COL23A1: variants seen among roughly 807,000 people sequenced by gnomAD.
COL23A1 encodes collagen type XXIII alpha 1 chain.
In COL23A1, 97 loss-of-function variants were observed where a neutral mutation model predicts 99.3. That is an observed-to-expected ratio of 0.98 (90% CI 0.83 to 1.16). COL23A1 has a LOEUF of 1.16. COL23A1 is among the 50% of genes most tolerant of loss of function. COL23A1 has a pLI of 0.00. For synonymous variants in COL23A1, 320 were observed against 308.2 expected, an observed-to-expected ratio of 1.04 and a Z score of -0.40; for missense variants, 762 against 757.4, an observed-to-expected ratio of 1.01 and a Z score of -0.07.
intron 5 of COL23A1, among the ~76,000 whole-genome samples, chr5:178,275,250 G>A (rs889325431): frequency 2.0e-5 from 3 of 152,328 alleles, no homozygotes; most frequent in South Asian, 2.1e-4. Context: ...TGCAAGATGC[G>A]AAGCCCCACG....
intron 2 of COL23A1, among the ~76,000 whole-genome samples, chr5:178,545,287 G>A (rs1761520902): frequency 6.6e-6 from 1 of 152,050 alleles, no homozygotes; most frequent in Non-Finnish European, 1.5e-5. Context: ...ACGGCACTTT[G>A]AGCCTCTCCC....
chr5:178,425,744 G>A (rs1035828501), intron 2 of COL23A1, among the ~76,000 whole-genome samples: 3 of 152,222 alleles, frequency 2.0e-5, no homozygotes, highest in Admixed American at 6.5e-5. Flanking sequence ...TGGCTGCAGT[G>A]CACCAGCATC....
chr5:178,270,460 A>T, intron 5 of COL23A1, 97 bp from the exon 6 acceptor site: 1 of 1,462,072 alleles, frequency 6.8e-7, no homozygotes, highest in Non-Finnish European at 9.5e-7. Context: ...CAAGAAAACA[A>T]AGCCTGTGGG....
At chr5:178,250,231 T>C in intron 17 of COL23A1, 126 bp from the exon 18 acceptor site, 1 of 986,788 alleles carries the variant, frequency 1.0e-6, no homozygotes, top group Non-Finnish European at 1.6e-6. Flanking sequence ...CCTCTAGCTG[T>C]GCCAGGACCC....
chr5:178,536,522 C>T (rs1323935962), intron 2 of COL23A1, among the ~76,000 whole-genome samples: 4 of 152,230 alleles, frequency 2.6e-5, no homozygotes, highest in Non-Finnish European at 5.9e-5. Context: ...CCGGATGCAT[C>T]ATCCAGACCA....
chr5:178,448,691 G>T (rs1358852915), intron 2 of COL23A1, among the ~76,000 whole-genome samples: 1 of 152,102 alleles, frequency 6.6e-6, no homozygotes, highest in African/African-American at 2.4e-5. Flanking sequence ...CCATTCATGA[G>T]GGCAGTGCCC....
At position 178,313,397 on chromosome 5, in the gene COL23A1, C is replaced by T. The variant is rs181979329; in HGVS notation, c.362-6478G>A. The stretch of plus-strand genomic sequence containing the variant: ...CAATTAAAGAAAACAAAACAAACAC[C>T]CCAGGGGTCTCAGCTACCCCTGAGC... On this transcript the variant is annotated intron_variant, in intron 2 of 28. Transcript: ENST00000390654. The surrounding 1 kb of genome is among the most constrained non-coding windows in gnomAD (Gnocchi z 4.2). Among the ~76,000 whole-genome samples the T allele has an allele frequency of 6.6e-6, 1 of 152,256 alleles. No individual in the cohort carries two copies. The highest frequency in any genetic ancestry group is 1.9e-4 in the East Asian group (1 of 5,178).
At position 178,255,871 on chromosome 5, in the gene COL23A1, C is replaced by A; in HGVS notation, c.882+482G>T. ...GAGCATGAGGAGACAGAGCCGAGGC[C>A]AGGATCCCGGACGTCACCCTAAAGG... On this transcript the variant is annotated intron_variant, in intron 15 of 28. Transcript: ENST00000390654. This position sits in a 1 kb window ranked among gnomAD's most constrained non-coding sequence, Gnocchi z 4.2. 2.5e-6 allele frequency: 1 copy of A among 399,840 alleles called. No individual in the cohort carries two copies. 24.8% of individuals were successfully genotyped at this position (399,840 alleles called of 1,614,324 possible). A position where few individuals can be genotyped will look rare whatever the true frequency, so the allele number is the denominator to read the frequency against.
At chr5:178,315,070 C>A (rs1283050120) in intron 2 of COL23A1, among the ~76,000 whole-genome samples, 1 of 152,182 alleles carries the variant, frequency 6.6e-6, no homozygotes, top group African/African-American at 2.4e-5. Context: ...CGACTCCAGC[C>A]CCCTTTATGC....
At chr5:178,538,927 A>G (rs2113306062) in intron 2 of COL23A1, among the ~76,000 whole-genome samples, 1 of 152,386 alleles carries the variant, frequency 6.6e-6, no homozygotes, top group Middle Eastern at 3.4e-3. Context: ...ATAGTAGAGC[A>G]CGAATGAACC....
chr5:178,497,114 C>T (rs1430714646), intron 2 of COL23A1, among the ~76,000 whole-genome samples: 1 of 152,166 alleles, frequency 6.6e-6, no homozygotes, highest in Admixed American at 6.5e-5. Context: ...GGATAGGAAA[C>T]ACTCTTTGAG....
chr5:178,420,835 C>T (rs919487899), intron 2 of COL23A1, among the ~76,000 whole-genome samples: 6 of 150,832 alleles, frequency 4.0e-5, no homozygotes, highest in East Asian at 3.9e-4. Context: ...GCCCATCCTG[C>T]GGGGAGGGCT....
chr5:178,458,375 C>T (rs1238478477), intron 2 of COL23A1, among the ~76,000 whole-genome samples: 1 of 152,160 alleles, frequency 6.6e-6, no homozygotes, highest in African/African-American at 2.4e-5. Context: ...GGCACGGTGG[C>T]TCATGCCTGT....
chr5:178,259,633 C>G (rs1765517265), intron 12 of COL23A1, 88 bp downstream of exon 12: 2 of 641,804 alleles, frequency 3.1e-6, no homozygotes, highest in Admixed American at 4.6e-5. Context: ...CCGTCCCCAT[C>G]CCCATCCCCA....
At chr5:178,545,037 C>T (rs1360020819) in intron 2 of COL23A1, among the ~76,000 whole-genome samples, 1 of 152,066 alleles carries the variant, frequency 6.6e-6, no homozygotes, top group Non-Finnish European at 1.5e-5. Context: ...TGCAGTGAGC[C>T]GTGATCATTG....
chr5:178,359,813 T>C (rs1762081606), intron 2 of COL23A1, among the ~76,000 whole-genome samples: 1 of 152,130 alleles, frequency 6.6e-6, no homozygotes, highest in South Asian at 2.1e-4. Context: ...AGAAATAGCC[T>C]ATTTCTAGGG....
chr5:178,460,639 C>A lies in COL23A1; in HGVS notation c.361+100043G>T, dbSNP rs114605748. 7.0e-4 allele frequency among the ~76,000 whole-genome samples: 107 copies of A among 152,322 alleles called. 1 individual carries two copies. The highest frequency in any genetic ancestry group is 3.4e-3 in the Middle Eastern group (1 of 294). On this transcript the variant is annotated intron_variant, in intron 2 of 28. Transcript: ENST00000390654. ...CTCGGCTTCCCAGATGCTTTCCATG[C>A]AGTCTGACAAGTATCCCACCCTAGC...
intron 2 of COL23A1, among the ~76,000 whole-genome samples, chr5:178,358,870 TA>T (rs1403769785): frequency 6.6e-6 from 1 of 152,198 alleles, no homozygotes; most frequent in African/African-American, 2.4e-5. Flanking sequence ...TGCCTGTTTA[TA>T]AAGGTTCCTG....
In COL23A1 at chr5:178,403,127, T is replaced by TAAA. The variant is rs1480481254; in HGVS notation, c.362-96211_362-96209dup. Among the ~76,000 whole-genome samples the TAAA allele has an allele frequency of 4.4e-3, 230 of 52,818 alleles. 19 individuals are homozygous for TAAA. The highest frequency in any genetic ancestry group is 0.019 in the African/African-American group (220 of 11,724). The allele number at this position is 52,818 out of a possible 152,430, so 34.7% of individuals were successfully genotyped here. A position where few individuals can be genotyped will look rare whatever the true frequency, so the allele number is the denominator to read the frequency against. On this transcript the variant is annotated intron_variant, in intron 2 of 28. Transcript: ENST00000390654. ...CCATCTCAAAAAAAAAAAAAATAAA[T>TAAA]AAATAAAAAATAAATACCATTTACC...
Sources: allele counts gnomAD v4.1 joint callset (sites outside exome capture counted in the v4.1 genomes callset), GRCh38; gene constraint gnomAD v4.1.1; non-coding constraint Gnocchi (gnomAD v3.1); transcripts MANE v1.5; gene names NCBI Gene and HGNC (gene_info 2026-07-23, HGNC 2026-07-21).